The following SNX29 variants were observed in gnomAD, a reference collection of about 807,000 sequenced individuals.
SNX29 encodes the protein sorting nexin-29.
In SNX29, 78 loss-of-function variants were observed where a neutral mutation model predicts 102.1. That is an observed-to-expected ratio of 0.76 (90% CI 0.64 to 0.92). The LOEUF is 0.92. Ranked by LOEUF, SNX29 falls within the 40% of genes least tolerant of loss-of-function variation. SNX29 has a pLI of 0.00. For missense variants in SNX29, 1,280 were observed against 1,061.7 expected (o/e 1.21, Z -2.86); for synonymous variants, 580 against 414.5 (o/e 1.40, Z -4.85).
chr16:12,562,053 C>T (rs1485975322), intron 20 of SNX29, among the ~76,000 whole-genome samples: 1 of 150,106 alleles, frequency 6.7e-6, no homozygotes, highest in Non-Finnish European at 1.5e-5. Flanking sequence ...ATCATCTGTG[C>T]CGTTTTCCTT....
At chr16:12,537,868 C>T (rs957751245) in intron 20 of SNX29, among the ~76,000 whole-genome samples, 1 of 151,968 alleles carries the variant, frequency 6.6e-6, no homozygotes, top group Non-Finnish European at 1.5e-5. Context: ...GCTTATAGTC[C>T]CAGCTTTTTG....
rs2079209510 is a variant in SNX29, at chr16:12,572,530, C to T, written c.*3901C>T. On this transcript the variant is annotated 3_prime_UTR_variant, in exon 21 of 21. Coordinates refer to ENST00000566228, the MANE Select transcript of SNX29 (RefSeq NM_032167.5). ...CCTGCTCCACGTGCTCAAGCCCCCACAGGGGGCTGCGACACCATCTGGCTC... is the reference window on the plus strand; with the variant it reads ...CCTGCTCCACGTGCTCAAGCCCCCATAGGGGGCTGCGACACCATCTGGCTC... The T allele has an allele frequency of 1.8e-5, 19 of 1,063,892 alleles. No homozygotes were observed. Among genetic ancestry groups the T allele is most frequent in the Non-Finnish European group, 2.2e-5 (19 of 878,580 alleles). The allele number at this position is 1,063,892 out of a possible 1,614,324, so 65.9% of individuals were successfully genotyped here. A position where few individuals can be genotyped will look rare whatever the true frequency, so the allele number is the denominator to read the frequency against.
rs867506341 is a variant in SNX29, at chr16:12,572,075, G to A, written c.*3446G>A. ...CAAGGGAACCATCTTGCAAGATCTA[G>A]GAAGAGGAAGGGGAGGGATGTGGAC... On this transcript the variant is annotated 3_prime_UTR_variant, in exon 21 of 21. Transcript: ENST00000566228. 10 of 1,063,504 alleles carry A rather than the reference G, an allele frequency of 9.4e-6. No homozygotes were observed. The East Asian group carries it at 1.5e-4, about 16-fold the overall frequency. 65.9% of individuals were successfully genotyped at this position (1,063,504 alleles called of 1,614,324 possible). A position where few individuals can be genotyped will look rare whatever the true frequency, so the allele number is the denominator to read the frequency against.
At chr16:12,179,667 G>A (rs536248306) in intron 13 of SNX29, among the ~76,000 whole-genome samples, 90 of 152,260 alleles carry the variant, frequency 5.9e-4, no homozygotes, top group Middle Eastern at 3.4e-3. Flanking sequence ...GTTGCTAGTC[G>A]TTTAGGTTAT....
intron 20 of SNX29, among the ~76,000 whole-genome samples, chr16:12,532,945 G>T (rs1312648373): frequency 6.6e-6 from 1 of 152,260 alleles, no homozygotes; most frequent in African/African-American, 2.4e-5. Flanking sequence ...TGCCAAGTTG[G>T]CTGCGGACCC....
intron 18 of SNX29, among the ~76,000 whole-genome samples, chr16:12,433,345 G>A (rs776847795): frequency 2.6e-5 from 4 of 152,038 alleles, no homozygotes; most frequent in African/African-American, 4.8e-5. Context: ...AAACTGTAAC[G>A]ATTGGCCGGG....
intron 15 of SNX29, among the ~76,000 whole-genome samples, chr16:12,354,466 G>A (rs1256126963): frequency 6.6e-6 from 1 of 152,140 alleles, no homozygotes; most frequent in Non-Finnish European, 1.5e-5. Flanking sequence ...ACGTTTCGGT[G>A]TTTCCTGCAT....
intron 11 of SNX29, among the ~76,000 whole-genome samples, chr16:12,083,982 T>C (rs2052036236): frequency 6.6e-6 from 1 of 152,186 alleles, no homozygotes; most frequent in Non-Finnish European, 1.5e-5. Context: ...CAGGTATCTC[T>C]GAAATTGCAA....
chr16:12,465,756 G>A (rs535368293), intron 18 of SNX29, among the ~76,000 whole-genome samples: 5 of 151,714 alleles, frequency 3.3e-5, no homozygotes, highest in Non-Finnish European at 2.9e-5. Context: ...AATTTTGATA[G>A]AGATTACATT....
intron 13 of SNX29, among the ~76,000 whole-genome samples, chr16:12,189,941 A>T (rs562675948): frequency 6.6e-6 from 1 of 152,182 alleles, no homozygotes; most frequent in East Asian, 1.9e-4. Flanking sequence ...GTCCAACATC[A>T]CCATTGACTT....
intron 15 of SNX29, among the ~76,000 whole-genome samples, chr16:12,330,080 G>T (rs932510477): frequency 5.3e-5 from 8 of 152,202 alleles, no homozygotes; most frequent in Admixed American, 3.9e-4. Flanking sequence ...GCAGAATGTT[G>T]TTTTGAGAAT....
chr16:12,536,415 C>A (rs1214490202), intron 20 of SNX29, among the ~76,000 whole-genome samples: 2 of 151,928 alleles, frequency 1.3e-5, no homozygotes, highest in African/African-American at 2.4e-5. Flanking sequence ...ATGGCCTCAT[C>A]AGTAAGGAGG....
intron 11 of SNX29, among the ~76,000 whole-genome samples, chr16:12,109,017 A>G (rs1167134041): frequency 6.7e-6 from 1 of 150,256 alleles, no homozygotes; most frequent in African/African-American, 2.5e-5. Context: ...AACCCCAGCT[A>G]CTTGGGAGGC....
At chr16:12,361,023 C>G (rs548190337) in intron 16 of SNX29, among the ~76,000 whole-genome samples, 1 of 152,300 alleles carries the variant, frequency 6.6e-6, no homozygotes, top group African/African-American at 2.4e-5. Context: ...CTTACGGTAC[C>G]CATTTCCACC....
At chr16:12,471,398 T>G (rs905736763) in intron 18 of SNX29, among the ~76,000 whole-genome samples, 1 of 152,244 alleles carries the variant, frequency 6.6e-6, no homozygotes, top group Non-Finnish European at 1.5e-5. Flanking sequence ...CCTCTAGCAC[T>G]ATCTTCATTT....
chr16:12,425,029 A>G (rs1414473120), intron 18 of SNX29, among the ~76,000 whole-genome samples: 1 of 152,262 alleles, frequency 6.6e-6, no homozygotes, highest in Non-Finnish European at 1.5e-5. Context: ...ACTACAGGCA[A>G]CAGTATGGCT....
At position 12,547,560 on chromosome 16, in the gene SNX29, A is replaced by G. The variant is rs558360131; in HGVS notation, c.2319-20946A>G. ...AAGAACAGAGTCCTGAGCTGTGGTTAACATCCCCCTCCCTCACGAGGATTA... is the reference window on the plus strand; with the variant it reads ...AAGAACAGAGTCCTGAGCTGTGGTTGACATCCCCCTCCCTCACGAGGATTA... On this transcript the variant is annotated intron_variant, in intron 20 of 20. Coordinates refer to ENST00000566228, the MANE Select transcript of SNX29 (RefSeq NM_032167.5). Among the ~76,000 whole-genome samples, 5 of 152,188 alleles carry G rather than the reference A, an allele frequency of 3.3e-5. No individual in the cohort carries two copies. The East Asian group carries it at 9.7e-4, about 29-fold the overall frequency.
At chr16:12,520,889 A>C (rs1027060126) in intron 19 of SNX29, among the ~76,000 whole-genome samples, 3 of 152,198 alleles carry the variant, frequency 2.0e-5, no homozygotes, top group Admixed American at 6.5e-5. Flanking sequence ...CTAGAGTTTC[A>C]GAATTCACCA....
At chr16:12,076,968 T>C (rs1441164647) in intron 10 of SNX29, among the ~76,000 whole-genome samples, 1 of 152,172 alleles carries the variant, frequency 6.6e-6, no homozygotes, top group Non-Finnish European at 1.5e-5. Flanking sequence ...GGAGTCTTTT[T>C]TTGCTATTTA....
Sources: allele counts gnomAD v4.1 joint callset (sites outside exome capture counted in the v4.1 genomes callset), GRCh38; gene constraint gnomAD v4.1.1; transcripts MANE v1.5; gene names NCBI Gene and HGNC (gene_info 2026-07-23, HGNC 2026-07-21).